Variants in SCML4 observed in about 807,000 individuals in gnomAD.
SCML4 encodes the protein Scm polycomb group protein like 4.
A neutral mutation model predicts 41.1 loss-of-function variants in SCML4; 34 were observed. That is an observed-to-expected ratio of 0.83 (90% CI 0.63 to 1.10). The LOEUF (loss-of-function observed/expected upper bound fraction) is 1.10. Among genes scored for constraint, SCML4 ranks in the 50% least tolerant of loss-of-function variants. The pLI, the probability that SCML4 is intolerant of heterozygous loss-of-function variation, is 0.00. For synonymous variants in SCML4, 214 were observed against 220.9 expected (o/e 0.97, Z 0.28); for missense variants, 522 against 534.1 (o/e 0.98, Z 0.22).
At chr6:107,745,438 T>C (rs1777984564) in intron 4 of SCML4, 1 of 264,702 alleles carries the variant, frequency 3.8e-6, no homozygotes, top group Non-Finnish European at 7.1e-6. Flanking sequence ...GGGTAAAATG[T>C]CCCTCCGTTT....
At chr6:107,737,154 G>C (rs1391787686) in intron 5 of SCML4, among the ~76,000 whole-genome samples, 1 of 152,190 alleles carries the variant, frequency 6.6e-6, no homozygotes, top group Admixed American at 6.5e-5. Context: ...GGACCCCCAG[G>C]TCTATCTAGC....
At chr6:107,833,079 G>A in the SCML4 span, among the ~76,000 whole-genome samples, 9 of 152,246 alleles carry the variant, frequency 5.9e-5, no homozygotes, top group South Asian at 4.1e-4. Context: ...GCGAATATTG[G>A]GATATAAGAG....
In SCML4 at chr6:107,726,532, C is replaced by CAA. The variant is rs59013088; in HGVS notation, c.683-5541_683-5540dup. Among the ~76,000 whole-genome samples the CAA allele has an allele frequency of 4.0e-3, 291 of 72,322 alleles. 1 individual carries two copies. Among genetic ancestry groups the CAA allele is most frequent in the African/African-American group, 5.2e-3 (82 of 15,754 alleles). The allele number at this position is 72,322 out of a possible 152,430, so 47.4% of individuals were successfully genotyped here. On this transcript the variant is annotated intron_variant, in intron 5 of 7. Coordinates refer to ENST00000369020, the MANE Select transcript of SCML4 (RefSeq NM_198081.5). ...CGGGCAACAGACCGAGACTCCATCT[C>CAA]AAAAAAAAAAAAAAAAAAAAAAAGA...
intron 1 of SCML4, among the ~76,000 whole-genome samples, chr6:107,803,858 G>C (rs9486718): frequency 0.073 from 10,894 of 149,452 alleles, 1,206 homozygotes; most frequent in African/African-American, 0.25. Context: ...GCAGCATGCT[G>C]GTTAAGAGTC....
intron 5 of SCML4, among the ~76,000 whole-genome samples, chr6:107,741,310 T>C: frequency 6.6e-6 from 1 of 152,222 alleles, no homozygotes; most frequent in Admixed American, 6.5e-5. Context: ...TCCCTCCATC[T>C]GCTTAGCACC....
At chr6:107,835,347 C>T in the SCML4 span, among the ~76,000 whole-genome samples, 1 of 150,212 alleles carries the variant, frequency 6.7e-6, no homozygotes, top group Non-Finnish European at 1.5e-5. Flanking sequence ...GGTGACAGAG[C>T]GAGACCCTGT....
intron 5 of SCML4, among the ~76,000 whole-genome samples, chr6:107,742,401 A>C (rs375173246): frequency 3.9e-5 from 6 of 152,226 alleles, no homozygotes; most frequent in Admixed American, 2.6e-4. Flanking sequence ...AAAACTTTCC[A>C]AAAGATGAGA....
upstream of SCML4, among the ~76,000 whole-genome samples, chr6:107,825,936 C>CAAAAAAAAA (rs71015515): frequency 4.3e-4 from 27 of 62,554 alleles, no homozygotes; most frequent in South Asian, 6.2e-4. Context: ...GACTCCATCT[C>CAAAAAAAAA]AAAAAAAAAA....
intron 2 of SCML4, among the ~76,000 whole-genome samples, chr6:107,752,917 T>C (rs769583604): frequency 1.3e-4 from 20 of 152,252 alleles, no homozygotes; most frequent in Middle Eastern, 3.4e-3. Flanking sequence ...AGTTATACTT[T>C]GAGTTGAGAT....
the SCML4 span, among the ~76,000 whole-genome samples, chr6:107,839,409 G>GAAAGAAAGAAAGAA: frequency 6.9e-6 from 1 of 144,762 alleles, no homozygotes; most frequent in African/African-American, 2.8e-5. Context: ...AAGAAAGAAA[G>GAAAGAAAGAAAGAA]AGGAAGAAGA....
At chr6:107,832,072 A>G in the SCML4 span, among the ~76,000 whole-genome samples, 1 of 150,642 alleles carries the variant, frequency 6.6e-6, no homozygotes, top group African/African-American at 2.4e-5. Context: ...CAAAAAAAAA[A>G]AAAGAAAGAA....
intron 1 of SCML4, among the ~76,000 whole-genome samples, chr6:107,777,690 CA>C (rs1781065909): frequency 6.6e-6 from 1 of 152,114 alleles, no homozygotes; most frequent in South Asian, 2.1e-4. Flanking sequence ...AGCTAAGAAG[CA>C]CATCTATAAA....
chr6:107,825,252 A>G (rs1785207269), upstream of SCML4, among the ~76,000 whole-genome samples: 1 of 152,234 alleles, frequency 6.6e-6, no homozygotes, highest in Non-Finnish European at 1.5e-5. Flanking sequence ...CATCCATTCT[A>G]CAAACATGTG....
chr6:107,721,102 G>A (rs1562180049), intron 5 of SCML4, 109 bp from the exon 6 acceptor site: 2 of 1,352,592 alleles, frequency 1.5e-6, no homozygotes, highest in Non-Finnish European at 2.0e-6. Context: ...GCCAGTATTT[G>A]TGAGCATGCA....
intron 1 of SCML4, among the ~76,000 whole-genome samples, chr6:107,822,179 T>C (rs540113294): frequency 6.6e-6 from 1 of 152,368 alleles, no homozygotes; most frequent in South Asian, 2.1e-4. Flanking sequence ...AATTTTTTAA[T>C]AGGAAAGTGT....
At chr6:107,799,015 T>C (rs1782910793) in intron 1 of SCML4, among the ~76,000 whole-genome samples, 1 of 152,172 alleles carries the variant, frequency 6.6e-6, no homozygotes, top group African/African-American at 2.4e-5. Flanking sequence ...GAATGTTCCA[T>C]GTGCATTTGA....
chr6:107,759,128 A>C (rs1779340563), intron 2 of SCML4, among the ~76,000 whole-genome samples: 1 of 107,638 alleles, frequency 9.3e-6, no homozygotes, highest in Non-Finnish European at 1.9e-5. Flanking sequence ...CTCTACAAAA[A>C]ATACAAAAAA....
intron 7 of SCML4, 71 bp downstream of exon 7, chr6:107,707,795 C>A (rs1773810566): frequency 9.1e-6 from 14 of 1,541,412 alleles, no homozygotes; most frequent in Non-Finnish European, 8.8e-7. Flanking sequence ...TCCCGCAGCT[C>A]CCTGGACCTC....
At chr6:107,792,239 G>T (rs1329757517) in intron 1 of SCML4, among the ~76,000 whole-genome samples, 2 of 152,194 alleles carry the variant, frequency 1.3e-5, no homozygotes, top group Admixed American at 1.3e-4. Context: ...ACCTGCAGAT[G>T]ATCTCCAGTG....
Sources: allele counts gnomAD v4.1 joint callset (sites outside exome capture counted in the v4.1 genomes callset), GRCh38; gene constraint gnomAD v4.1.1; transcripts MANE v1.5; gene names NCBI Gene and HGNC (gene_info 2026-07-23, HGNC 2026-07-21).